The following UNC5D variants were observed in gnomAD, a reference collection of about 807,000 sequenced individuals.
UNC5D encodes the protein netrin receptor UNC5D.
Under a neutral mutation model 105.4 loss-of-function variants are expected in UNC5D, and 39 were observed. The observed-to-expected ratio is 0.37, with a 90% CI of 0.29 to 0.48. The LOEUF (loss-of-function observed/expected upper bound fraction) is 0.48, where lower values mean the gene tolerates loss of function less well. Ranked by LOEUF, UNC5D falls within the 20% of genes least tolerant of loss-of-function variation. UNC5D has a pLI of 0.98. For missense variants in UNC5D, 991 were observed against 1,202.4 expected (o/e 0.82, Z 2.60); for synonymous variants, 452 against 450.4 (o/e 1.00, Z -0.04).
At chr8:35,641,552 G>C (rs1392051088) in intron 4 of UNC5D, among the ~76,000 whole-genome samples, 1 of 151,928 alleles carries the variant, frequency 6.6e-6, no homozygotes, top group Non-Finnish European at 1.5e-5. Flanking sequence ...ATTAGACATT[G>C]AGTCATATTC....
At chr8:35,657,753 TG>T (rs1202429290) in intron 4 of UNC5D, among the ~76,000 whole-genome samples, 1 of 152,214 alleles carries the variant, frequency 6.6e-6, no homozygotes, top group African/African-American at 2.4e-5. Flanking sequence ...CCCAAAGTGC[TG>T]GGACTGTAGG....
intron 1 of UNC5D, among the ~76,000 whole-genome samples, chr8:35,324,338 TATC>T (rs893276310): frequency 2.6e-5 from 4 of 151,960 alleles, no homozygotes; most frequent in African/African-American, 9.7e-5. Flanking sequence ...ATGTGCCAAG[TATC>T]ATGCAAGACA....
chr8:35,489,655 A>G (rs1811073360), intron 1 of UNC5D, among the ~76,000 whole-genome samples: 1 of 152,180 alleles, frequency 6.6e-6, no homozygotes, highest in Non-Finnish European at 1.5e-5. Flanking sequence ...TAAGCCACCC[A>G]GTCTGTGGTA....
rs369832915 is a variant in UNC5D at position 35,345,086 on chromosome 8, T to G, written c.103+109199T>G. Among the ~76,000 whole-genome samples, 453 of 152,198 alleles carry G rather than the reference T, an allele frequency of 3.0e-3. 15 individuals are homozygous for G. In the South Asian group the frequency reaches 0.063, roughly 21 times the overall value. On this transcript the variant is annotated intron_variant, in intron 1 of 16. Transcript: ENST00000404895. Reference sequence around the variant, plus strand: ...ATGTTTCAAATGTGGCAAAGTTTGATCTATATATTAACTTTTGTGTTTGCT... The same window carrying G: ...ATGTTTCAAATGTGGCAAAGTTTGAGCTATATATTAACTTTTGTGTTTGCT...
chr8:35,580,909 A>T (rs1163427211), intron 3 of UNC5D, among the ~76,000 whole-genome samples: 1 of 152,210 alleles, frequency 6.6e-6, no homozygotes. Flanking sequence ...TTGTATTTTT[A>T]AAAAGTGTAG....
chr8:35,387,827 G>A (rs1360936335), intron 1 of UNC5D, among the ~76,000 whole-genome samples: 1 of 152,126 alleles, frequency 6.6e-6, no homozygotes, highest in East Asian at 1.9e-4. Flanking sequence ...AGCTATTATT[G>A]TAATTATGAT....
intron 1 of UNC5D, among the ~76,000 whole-genome samples, chr8:35,528,265 C>T (rs1023619436): frequency 7.4e-5 from 11 of 149,520 alleles, no homozygotes; most frequent in African/African-American, 2.7e-4. Flanking sequence ...TCTCATTGTT[C>T]AATTCTCACC....
chr8:35,756,931 G>A (rs942219180), intron 13 of UNC5D, among the ~76,000 whole-genome samples: 4 of 152,082 alleles, frequency 2.6e-5, no homozygotes, highest in African/African-American at 7.2e-5. Context: ...AGCCTAGTTC[G>A]AATACACTTA....
intron 1 of UNC5D, among the ~76,000 whole-genome samples, chr8:35,276,702 G>A (rs1042004751): frequency 1.3e-5 from 2 of 152,118 alleles, no homozygotes; most frequent in African/African-American, 2.4e-5. Context: ...TGGCAGACCA[G>A]GTCTCACTAG....
chr8:35,383,626 T>G (rs1023820781), intron 1 of UNC5D, among the ~76,000 whole-genome samples: 3 of 152,224 alleles, frequency 2.0e-5, no homozygotes, highest in Non-Finnish European at 2.9e-5. Context: ...GGACTGTGGT[T>G]GACCACAGGA....
At chr8:35,277,112 C>T (rs867757841) in intron 1 of UNC5D, among the ~76,000 whole-genome samples, 21 of 152,080 alleles carry the variant, frequency 1.4e-4, no homozygotes, top group African/African-American at 5.1e-4. Context: ...GTTGGTCTGG[C>T]GATAATTTCC....
At chr8:35,616,271 A>G (rs1821019090) in intron 4 of UNC5D, among the ~76,000 whole-genome samples, 1 of 152,178 alleles carries the variant, frequency 6.6e-6, no homozygotes, top group Non-Finnish European at 1.5e-5. Flanking sequence ...TTTACCTGAT[A>G]AAGCGCTTTA....
At chr8:35,338,088 C>T (rs1480682174) in intron 1 of UNC5D, among the ~76,000 whole-genome samples, 1 of 152,048 alleles carries the variant, frequency 6.6e-6, no homozygotes, top group African/African-American at 2.4e-5. Context: ...CCTTGGTTGT[C>T]TATAACGTCT....
At chr8:35,462,270 G>T (rs1808950101) in intron 1 of UNC5D, among the ~76,000 whole-genome samples, 1 of 151,480 alleles carries the variant, frequency 6.6e-6, no homozygotes, top group Admixed American at 6.6e-5. Context: ...ATTTTAAACT[G>T]CACTTATAAA....
intron 8 of UNC5D, among the ~76,000 whole-genome samples, chr8:35,716,285 T>G (rs2131508886): frequency 6.6e-6 from 1 of 152,334 alleles, no homozygotes; most frequent in South Asian, 2.1e-4. Context: ...TCATAGATTT[T>G]CTTTATGAGG....
intron 1 of UNC5D, among the ~76,000 whole-genome samples, chr8:35,430,701 A>G (rs139505137): frequency 5.9e-5 from 9 of 152,246 alleles, no homozygotes; most frequent in African/African-American, 9.6e-5. Context: ...TGGGTGGGGG[A>G]AAAACCTCCA....
intron 3 of UNC5D, among the ~76,000 whole-genome samples, chr8:35,593,086 CAA>C (rs71547639): frequency 2.8e-5 from 4 of 144,738 alleles, no homozygotes; most frequent in South Asian, 2.2e-4. Context: ...CACACACACA[CAA>C]ATATGTAAAT....
intron 1 of UNC5D, among the ~76,000 whole-genome samples, chr8:35,432,878 T>C (rs1049621595): frequency 2.0e-5 from 3 of 152,184 alleles, no homozygotes; most frequent in Non-Finnish European, 4.4e-5. Context: ...GAACAATTAA[T>C]TTCCTTGAAA....
intron 9 of UNC5D, chr8:35,724,371 A>G (rs2131545482): frequency 2.8e-6 from 4 of 1,450,660 alleles, no homozygotes; most frequent in Non-Finnish European, 3.7e-6. Context: ...CCACTGTCTT[A>G]GAGAGATCCG....
Sources: gnomAD v4.1 joint callset for allele counts (sites outside exome capture counted in the v4.1 genomes callset) on GRCh38, gnomAD v4.1.1 for gene constraint, MANE v1.5 for transcripts, NCBI Gene and HGNC (gene_info 2026-07-23, HGNC 2026-07-21) for gene names.